BMPR1A: variants seen among roughly 807,000 people sequenced by gnomAD.
BMPR1A encodes bone morphogenetic protein receptor type-1A.
In BMPR1A, 7 loss-of-function variants were observed where a neutral mutation model predicts 66.0. That is an observed-to-expected ratio of 0.11 (90% CI 0.06 to 0.20). BMPR1A has a LOEUF of 0.20. Among genes scored for constraint, BMPR1A ranks in the 10% least tolerant of loss-of-function variants. The probability of loss-of-function intolerance (pLI) is 1.00; values close to 1 mark genes in which losing one functional copy is unlikely to be tolerated. For missense variants in BMPR1A, 408 were observed against 669.1 expected, an observed-to-expected ratio of 0.61 and a Z score of 4.31; for synonymous variants, 200 against 229.7, an observed-to-expected ratio of 0.87 and a Z score of 1.17.
chr10:86,902,496 A>G (rs539180906), intron 7 of BMPR1A, among the ~76,000 whole-genome samples: 2 of 152,078 alleles, frequency 1.3e-5, no homozygotes, highest in African/African-American at 2.4e-5. Flanking sequence ...TGTGCTCTCT[A>G]AGCAATGGGT....
intron 7 of BMPR1A, among the ~76,000 whole-genome samples, chr10:86,904,345 CAA>C (rs1489659144): frequency 1.3e-5 from 2 of 151,952 alleles, no homozygotes; most frequent in Admixed American, 6.6e-5. Flanking sequence ...TTAAATGAAA[CAA>C]GAAGGAAAAA....
In BMPR1A at chr10:86,919,415, A is replaced by C. The variant is rs1490421596; in HGVS notation, c.1112A>C (p.Lys371Thr). The stretch of plus-strand genomic sequence containing the variant: ...CTAAAGAGCAAAAACATCCTCATCA[A>C]GAAAAATGGGAGTTGCTGCATTGCT... ...RDLKSKNILI[K>T]KNGSCCIADL... Residue 371 changes from lysine (K) to threonine (T), a missense_variant, in exon 10 of 13, where the codon AAG becomes ACG. Around this residue, in one of 5 missense-constraint regions of BMPR1A, gnomAD observed 130 missense variants for 257.3 expected, o/e 0.51. Transcript: ENST00000372037. 1.2e-6 allele frequency: 2 copies of C among 1,613,236 alleles called. No individual in the cohort carries two copies. Among genetic ancestry groups the C allele is most frequent in the East Asian group, 4.5e-5 (2 of 44,894 alleles).
intron 1 of BMPR1A, among the ~76,000 whole-genome samples, chr10:86,805,636 T>C (rs1471975284): frequency 2.0e-5 from 3 of 152,034 alleles, no homozygotes. Context: ...TAATTTTTTG[T>C]ATTTTTAGTA....
chr10:86,791,311 C>G (rs1244689585), intron 1 of BMPR1A, among the ~76,000 whole-genome samples: 1 of 151,310 alleles, frequency 6.6e-6, no homozygotes, highest in Non-Finnish European at 1.5e-5. Flanking sequence ...CTCCTGGGTT[C>G]AAGCAATTCT....
chr10:86,923,275 G>A (rs2133618829), intron 11 of BMPR1A, 101 bp from the exon 12 acceptor site: 1 of 1,503,480 alleles, frequency 6.7e-7, no homozygotes, highest in Non-Finnish European at 9.2e-7. Flanking sequence ...TCTTGTGTAA[G>A]AATCCGTTTT....
intron 1 of BMPR1A, among the ~76,000 whole-genome samples, chr10:86,830,146 A>AG (rs2133062097): frequency 6.6e-6 from 1 of 152,228 alleles, no homozygotes; most frequent in South Asian, 2.1e-4. Context: ...GTCAGGTGTA[A>AG]GGGGTTTCTG....
intron 8 of BMPR1A, among the ~76,000 whole-genome samples, chr10:86,916,727 G>T (rs563674181): frequency 6.6e-6 from 1 of 152,078 alleles, no homozygotes; most frequent in African/African-American, 2.4e-5. Context: ...GGTGGCTCAC[G>T]CCTGTAATCC....
rs1842995873 is a variant in BMPR1A, at chr10:86,882,149, G to A, written c.67+6064G>A. 3.3e-5 allele frequency among the ~76,000 whole-genome samples: 5 copies of A among 152,184 alleles called. No homozygotes were observed. In the South Asian group the frequency reaches 1.0e-3, roughly 32 times the overall value. On this transcript the variant is annotated intron_variant, in intron 3 of 12. Transcript: ENST00000372037. ...TATAAAAGCTGGGCTGTATGGGTAT[G>A]TGTGGGTTCATTGTACAGTTTTCTC...
At chr10:86,843,993 G>T (rs1290419265) in intron 2 of BMPR1A, among the ~76,000 whole-genome samples, 1 of 152,190 alleles carries the variant, frequency 6.6e-6, no homozygotes, top group Admixed American at 6.5e-5. Context: ...TGTGTGACTA[G>T]ATGTTGGAAA....
chr10:86,787,599 T>C (rs922286403), intron 1 of BMPR1A, among the ~76,000 whole-genome samples: 1 of 152,222 alleles, frequency 6.6e-6, no homozygotes, highest in African/African-American at 2.4e-5. Context: ...GGAAATAGCA[T>C]GTCTTGTTTG....
intron 5 of BMPR1A, among the ~76,000 whole-genome samples, chr10:86,894,764 A>G (rs1431054398): frequency 6.6e-6 from 1 of 152,236 alleles, no homozygotes; most frequent in Admixed American, 6.5e-5. Context: ...GCACATAGTA[A>G]GGGCTTAATA....
At chr10:86,807,822 A>G (rs58716745) in intron 1 of BMPR1A, among the ~76,000 whole-genome samples, 4,985 of 152,250 alleles carry the variant, frequency 0.033, 258 homozygotes, top group African/African-American at 0.11. Context: ...GCTGGAGTGC[A>G]GTGGCACTGT....
At chr10:86,902,776 C>G (rs990935072) in intron 7 of BMPR1A, among the ~76,000 whole-genome samples, 16 of 152,180 alleles carry the variant, frequency 1.1e-4, no homozygotes, top group African/African-American at 3.6e-4. Flanking sequence ...CAGGGGGAAC[C>G]CAGGTGTAGC....
chr10:86,896,660 A>G (rs1184067798), intron 5 of BMPR1A, among the ~76,000 whole-genome samples: 5 of 152,344 alleles, frequency 3.3e-5, no homozygotes, highest in Admixed American at 2.6e-4. Flanking sequence ...TTTAGATTCT[A>G]CTGAATGCAT....
intron 3 of BMPR1A, among the ~76,000 whole-genome samples, chr10:86,879,085 T>G (rs1842955818): frequency 6.6e-6 from 1 of 152,176 alleles, no homozygotes; most frequent in Non-Finnish European, 1.5e-5. Flanking sequence ...GAAGTCTGTA[T>G]ATAAGGGGAC....
chr10:86,916,391 G>A (rs1485174173), intron 8 of BMPR1A, among the ~76,000 whole-genome samples: 1 of 152,250 alleles, frequency 6.6e-6, no homozygotes, highest in Non-Finnish European at 1.5e-5. Context: ...GCTAGGTGGT[G>A]TAGTTCACAC....
At chr10:86,883,000 T>C (rs768341687) in intron 3 of BMPR1A, among the ~76,000 whole-genome samples, 14 of 151,830 alleles carry the variant, frequency 9.2e-5, no homozygotes, top group Non-Finnish European at 8.8e-5. Flanking sequence ...AAACTACTTA[T>C]AGGAAAAATA....
intron 1 of BMPR1A, among the ~76,000 whole-genome samples, chr10:86,779,576 A>AT (rs1841404714): frequency 6.6e-6 from 1 of 151,982 alleles, no homozygotes. Context: ...TTTGATTTGC[A>AT]TTTCCCTGAT....
At position 86,900,051 on chromosome 10, in the gene BMPR1A, G is replaced by A. The variant is rs567009904; in HGVS notation, c.455G>A (p.Arg152Gln). The change falls in exon 7 of 13, where the codon CGA becomes CAA. Residue 152 changes from arginine to glutamine, a missense_variant. By Grantham distance (43) the Arg-to-Gln change is conservative. Coordinates refer to ENST00000372037, the MANE Select transcript of BMPR1A (RefSeq NM_004329.3). ...VIGPFFDGSI[R>Q]WLVLLISMAV... ...GGTCCGTTTTTTGATGGCAGCATTC[G>A]ATGGCTGGTTTTGCTCATTTCTATG... The A allele has an allele frequency of 1.9e-5, 30 of 1,614,086 alleles. No homozygotes were observed. The East Asian group carries it at 2.5e-4, about 13-fold the overall frequency.
Sources: gnomAD v4.1 joint callset for allele counts (sites outside exome capture counted in the v4.1 genomes callset) on GRCh38, gnomAD v4.1.1 for gene constraint, gnomAD v4.1.1 regional missense constraint, MANE v1.5 for transcripts, NCBI Gene and HGNC (gene_info 2026-07-23, HGNC 2026-07-21) for gene names.